Variants in PTDSS2 observed in about 807,000 individuals in gnomAD.
The protein encoded by PTDSS2 is PSS-2.
A neutral mutation model predicts 64.7 loss-of-function variants in PTDSS2; 41 were observed. The observed-to-expected ratio is 0.63, with a 90% CI of 0.49 to 0.82. The LOEUF (loss-of-function observed/expected upper bound fraction) is 0.82. PTDSS2 is among the 40% of genes least tolerant of loss of function. The pLI is 0.00. For missense variants in PTDSS2, 485 were observed against 650.0 expected, an observed-to-expected ratio of 0.75 and a Z score of 2.76; for synonymous variants, 297 against 277.8, an observed-to-expected ratio of 1.07 and a Z score of -0.69.
At chr11:468,053 C>T (rs767129139) in intron 2 of PTDSS2, among the ~76,000 whole-genome samples, 4 of 152,004 alleles carry the variant, frequency 2.6e-5, no homozygotes, top group Admixed American at 6.6e-5. Context: ...ATCTCAAGCC[C>T]GGAAGGCAGA....
intron 7 of PTDSS2, 32 bp from the exon 8 acceptor site, chr11:488,497 C>A (rs775425058): frequency 3.8e-6 from 6 of 1,573,946 alleles, no homozygotes; most frequent in South Asian, 3.3e-5. Context: ...TTACCCCTCA[C>A]CCCTGCAACG....
Position 462,969 on chromosome 11 carries a change from C to G in PTDSS2, c.284+2681C>G, listed in dbSNP as rs1017419761. ...AGATCACGAGGTCAAGAGATCGAGACCAACCTAACCAACATGGTGAAATCC... is the reference window on the plus strand; with the variant it reads ...AGATCACGAGGTCAAGAGATCGAGAGCAACCTAACCAACATGGTGAAATCC... On this transcript the variant is annotated intron_variant, in intron 2 of 11. Coordinates refer to ENST00000308020, the MANE Select transcript of PTDSS2 (RefSeq NM_030783.3). The surrounding 1 kb of genome is among the most constrained non-coding windows in gnomAD (Gnocchi z 4.5). 4 of 150,062 alleles carry G rather than the reference C, an allele frequency of 2.7e-5. No individual in the cohort carries two copies. Among genetic ancestry groups the G allele is most frequent in the Non-Finnish European group, 5.9e-5 (4 of 67,440 alleles). 9.3% of individuals were successfully genotyped at this position (150,062 alleles called of 1,614,324 possible).
chr11:450,578 C>T lies in PTDSS2; in HGVS notation c.123C>T (p.Gly41=), dbSNP rs938508662. 6.3e-5 allele frequency: 78 copies of T among 1,243,336 alleles called. No individual in the cohort carries two copies. Among genetic ancestry groups the T allele is most frequent in the Non-Finnish European group, 7.5e-5 (74 of 986,284 alleles). 77.0% of individuals were successfully genotyped at this position (1,243,336 alleles called of 1,614,324 possible). A position where few individuals can be genotyped will look rare whatever the true frequency, so the allele number is the denominator to read the frequency against. Residue 41 remains glycine, a synonymous_variant, in exon 1 of 12, where the codon GGC becomes GGT. Coordinates refer to ENST00000308020, the MANE Select transcript of PTDSS2 (RefSeq NM_030783.3). ...CTGCCGGCCAAGCCACCGGGCCGGG[C>T]GAGGGCCGCCGCAGCACCGAGTCCG... The part of the protein sequence containing the change: ...GPSAGQATGP[G]EGRRSTESEV...
chr11:458,210 CTT>C (rs200105934), intron 1 of PTDSS2, among the ~76,000 whole-genome samples: 1 of 144,654 alleles, frequency 6.9e-6, no homozygotes. Flanking sequence ...TATTTTTTTT[CTT>C]TTTTTTTTTT....
At chr11:471,269 A>G (rs6598016) in intron 2 of PTDSS2, among the ~76,000 whole-genome samples, 5,096 of 151,678 alleles carry the variant, frequency 0.034, 297 homozygotes, top group African/African-American at 0.12. Context: ...CTAATTTCTT[A>G]TATTTTTAGT....
chr11:484,156 C>G (rs1423333395), intron 4 of PTDSS2, among the ~76,000 whole-genome samples: 1 of 152,176 alleles, frequency 6.6e-6, no homozygotes, highest in East Asian at 1.9e-4. Context: ...ATATTTATTT[C>G]AGCGCTGCTC....
At chr11:472,045 C>T (rs1226899855) in intron 2 of PTDSS2, among the ~76,000 whole-genome samples, 2 of 127,486 alleles carry the variant, frequency 1.6e-5, no homozygotes, top group South Asian at 2.5e-4. Context: ...GCCTGTCGGG[C>T]GGATGGTGGC....
intron 4 of PTDSS2, among the ~76,000 whole-genome samples, chr11:484,284 TGAC>T (rs1273584398): frequency 3.3e-5 from 5 of 152,266 alleles, no homozygotes; most frequent in African/African-American, 1.2e-4. Flanking sequence ...GAGGACATCC[TGAC>T]TTCCTAGCAC....
rs1848655337 is a variant in PTDSS2, at chr11:490,884, GAGCTGGCTGGCGTGGCA to G, written c.*305_*321del. 1 of 399,488 alleles carries G rather than the reference GAGCTGGCTGGCGTGGCA, an allele frequency of 2.5e-6. No homozygotes were observed. The highest frequency in any genetic ancestry group is 4.2e-5 in the Admixed American group (1 of 23,694). The allele number at this position is 399,488 out of a possible 1,614,324, so 24.7% of individuals were successfully genotyped here. A position where few individuals can be genotyped will look rare whatever the true frequency, so the allele number is the denominator to read the frequency against. On this transcript the variant is annotated 3_prime_UTR_variant, in exon 12 of 12. Transcript: ENST00000308020. ...GGCTCCGAGGCTTCTCCAGAGCTGG[GAGCTGGCTGGCGTGGCA>G]AGGGCATGCTCTGGGGCAGTGTGTC...
chr11:475,480 A>G (rs111450219), intron 3 of PTDSS2, among the ~76,000 whole-genome samples: 3,891 of 70,758 alleles, frequency 0.055, 155 homozygotes, highest in African/African-American at 0.2. Context: ...TTTGTGATAC[A>G]GACATATTCA....
chr11:485,914 C>T (rs1396740121), intron 4 of PTDSS2, among the ~76,000 whole-genome samples: 1 of 65,854 alleles, frequency 1.5e-5, no homozygotes, highest in Non-Finnish European at 2.8e-5. Context: ...AGTGCACGGG[C>T]GCGCGTGTGC....
At position 488,240 on chromosome 11, in the gene PTDSS2, C is replaced by T. The variant is rs771722702; in HGVS notation, c.663C>T (p.Ser221=). The change falls in exon 7 of 12, where the codon AGC becomes AGT. Residue 221 remains serine, a synonymous_variant. Coordinates refer to ENST00000308020, the MANE Select transcript of PTDSS2 (RefSeq NM_030783.3). ...ACTGGTGGATGTGCATGATCATCAG[C>T]GTGATGTTCGAGTTCCTGGAGTACA... is the stretch of plus-strand genomic sequence containing the variant. ...IRDWWMCMII[S]VMFEFLEYSL... is the part of the protein sequence containing the mutation. 27 of 1,613,462 alleles carry T rather than the reference C, an allele frequency of 1.7e-5. No homozygotes were observed. Among genetic ancestry groups the T allele is most frequent in the South Asian group, 2.2e-5 (2 of 91,084 alleles).
intron 2 of PTDSS2, among the ~76,000 whole-genome samples, chr11:472,950 G>A (rs569052252): frequency 6.6e-6 from 1 of 152,320 alleles, no homozygotes; most frequent in South Asian, 2.1e-4. Flanking sequence ...TGGTGCAGCG[G>A]CCAGTGGATC....
chr11:484,979 G>C (rs1422828690), intron 4 of PTDSS2, among the ~76,000 whole-genome samples: 4 of 138,528 alleles, frequency 2.9e-5, no homozygotes, highest in African/African-American at 8.2e-5. Context: ...AGCGTAAACT[G>C]CACGGGCACG....
chr11:480,165 A>G (rs1325024230), intron 4 of PTDSS2: 1 of 153,870 alleles, frequency 6.5e-6, no homozygotes, highest in Admixed American at 6.6e-5. Context: ...CACCCTGCAC[A>G]GTGCCTCTGA....
At chr11:474,569 C>CTTA (rs1847633798) in intron 3 of PTDSS2, among the ~76,000 whole-genome samples, 2 of 152,226 alleles carry the variant, frequency 1.3e-5, no homozygotes, top group Admixed American at 6.5e-5. Flanking sequence ...ACCACCCCAC[C>CTTA]TTATGGCCCT....
At chr11:450,986 C>T (rs1183852569) in intron 1 of PTDSS2, among the ~76,000 whole-genome samples, 1 of 152,076 alleles carries the variant, frequency 6.6e-6, no homozygotes, top group Non-Finnish European at 1.5e-5. Flanking sequence ...CCGCCTCCAG[C>T]GTCACCCCAG....
chr11:458,365 C>G (rs1846695409), intron 1 of PTDSS2, among the ~76,000 whole-genome samples: 3 of 151,574 alleles, frequency 2.0e-5, no homozygotes, highest in Non-Finnish European at 4.4e-5. Context: ...CCCACCACAC[C>G]CGGCTAATTT....
At chr11:456,705 G>A (rs766763524) in intron 1 of PTDSS2, among the ~76,000 whole-genome samples, 2 of 152,134 alleles carry the variant, frequency 1.3e-5, no homozygotes, top group East Asian at 1.9e-4. Flanking sequence ...CTGGGTCGCC[G>A]AATCCAGGCA....
Sources: gnomAD v4.1 joint callset for allele counts (sites outside exome capture counted in the v4.1 genomes callset) on GRCh38, gnomAD v4.1.1 for gene constraint, Gnocchi (gnomAD v3.1) non-coding constraint, MANE v1.5 for transcripts, NCBI Gene and HGNC (gene_info 2026-07-23, HGNC 2026-07-21) for gene names.